Variants in CACNA1A observed in about 807,000 individuals in gnomAD.
CACNA1A encodes calcium voltage-gated channel subunit alpha1 A, also known as voltage-dependent P/Q-type calcium channel subunit alpha-1A.
In CACNA1A, 57 loss-of-function variants were observed where a neutral mutation model predicts 262.4. The observed-to-expected ratio is 0.22, with a 90% CI of 0.18 to 0.27. The LOEUF is 0.27. CACNA1A is among the 10% of genes least tolerant of loss of function. The pLI, the probability that CACNA1A is intolerant of heterozygous loss-of-function variation, is 1.00. For missense variants in CACNA1A, 2,526 were observed against 3,562.8 expected, an observed-to-expected ratio of 0.71 and a Z score of 7.41; for synonymous variants, 1,431 against 1,419.3, an observed-to-expected ratio of 1.01 and a Z score of -0.18.
rs1491294928 is a variant in CACNA1A, at chr19:13,402,833, TAC to T, written c.540-31056_540-31055del. On this transcript the variant is annotated intron_variant, in intron 3 of 46. Coordinates refer to ENST00000360228, the MANE Select transcript of CACNA1A (RefSeq NM_001127222.2). Reference sequence around the variant, plus strand: ...ATATACATATATACACACATATATATACATATATATACACATATATATATACA... The same window carrying T: ...ATATACATATATACACACATATATATATATATATACACATATATATATACA... Among the ~76,000 whole-genome samples the T allele has an allele frequency of 5.9e-5, 8 of 134,542 alleles. No homozygotes were observed. The East Asian group carries it at 1.6e-3, about 27-fold the overall frequency. The allele number at this position is 134,542 out of a possible 152,430, so 88.3% of individuals were successfully genotyped here. A position where few individuals can be genotyped will look rare whatever the true frequency, so the allele number is the denominator to read the frequency against.
chr19:13,237,834 C>T (rs1225471582), intron 31 of CACNA1A, among the ~76,000 whole-genome samples: 1 of 152,224 alleles, frequency 6.6e-6, no homozygotes, highest in Non-Finnish European at 1.5e-5. Flanking sequence ...CAGGTATCCC[C>T]AGCCCCCTCC....
intron 3 of CACNA1A, among the ~76,000 whole-genome samples, chr19:13,372,103 G>T (rs531188960): frequency 1.3e-4 from 20 of 151,970 alleles, no homozygotes; most frequent in Non-Finnish European, 2.5e-4. Context: ...ATAGATTGTG[G>T]GGTGGCCTGG....
Position 13,253,690 on chromosome 19 carries a change from C to T in CACNA1A, c.4756-589G>A, listed in dbSNP as rs558247575. Among the ~76,000 whole-genome samples the T allele has an allele frequency of 2.0e-5, 3 of 151,940 alleles. No individual in the cohort carries two copies. In the East Asian group the frequency reaches 5.8e-4, roughly 30 times the overall value. On this transcript the variant is annotated intron_variant, in intron 29 of 46. Coordinates refer to ENST00000360228, the MANE Select transcript of CACNA1A (RefSeq NM_001127222.2). ...TTGATCTCCTAACCTTGTGATCGCC[C>T]TCCTCGGCCTCCCAAAGTGCTGGGA...
At chr19:13,492,142 C>G (rs1489364581) in intron 1 of CACNA1A, among the ~76,000 whole-genome samples, 2 of 152,154 alleles carry the variant, frequency 1.3e-5, no homozygotes, top group East Asian at 3.9e-4. Context: ...CCAGGCTCCA[C>G]AGCCTCCCTC....
At chr19:13,265,721 C>T (rs190489457) in intron 24 of CACNA1A, among the ~76,000 whole-genome samples, 13 of 152,208 alleles carry the variant, frequency 8.5e-5, no homozygotes, top group East Asian at 5.8e-4. Context: ...TCTGCTTTTG[C>T]GAGAAAGGAA....
chr19:13,424,389 C>CA (rs1179343389), intron 3 of CACNA1A, among the ~76,000 whole-genome samples: 1 of 152,030 alleles, frequency 6.6e-6, no homozygotes. Flanking sequence ...AACAAACAAA[C>CA]AACAACAGTC....
intron 3 of CACNA1A, among the ~76,000 whole-genome samples, chr19:13,438,588 A>G (rs2060654858): frequency 1.3e-5 from 2 of 152,230 alleles, no homozygotes; most frequent in Non-Finnish European, 2.9e-5. Context: ...GCTAACAGCC[A>G]AACAGAAGAG....
At chr19:13,255,771 C>CCCTCCTTTCCTTCCCTT (rs2056544926) in intron 28 of CACNA1A, among the ~76,000 whole-genome samples, 1 of 116,834 alleles carries the variant, frequency 8.6e-6, no homozygotes, top group African/African-American at 3.3e-5. Flanking sequence ...CTCCTTCCCT[C>CCCTCCTTTCCTTCCCTT]CCTCCTTTCC....
At chr19:13,305,252 TG>T (rs2057876738) in intron 15 of CACNA1A, among the ~76,000 whole-genome samples, 1 of 152,182 alleles carries the variant, frequency 6.6e-6, no homozygotes. Flanking sequence ...CACCAACGGC[TG>T]CTCCTTTTAA....
intron 3 of CACNA1A, among the ~76,000 whole-genome samples, chr19:13,414,360 A>C (rs2060185080): frequency 6.6e-6 from 1 of 152,190 alleles, no homozygotes; most frequent in Non-Finnish European, 1.5e-5. Flanking sequence ...TGATTGCGCC[A>C]CTGCACTCCA....
intron 6 of CACNA1A, among the ~76,000 whole-genome samples, chr19:13,354,869 C>CTTTTTTTT (rs56350383): frequency 5.2e-5 from 6 of 115,102 alleles, no homozygotes; most frequent in Admixed American, 9.3e-5. Context: ...TTTTCTTTTT[C>CTTTTTTTT]TTTTTTTTTT....
intron 20 of CACNA1A, 23 bp downstream of exon 20, chr19:13,286,480 G>A: frequency 8.4e-7 from 1 of 1,192,158 alleles, no homozygotes; most frequent in Non-Finnish European, 1.2e-6. Flanking sequence ...CCTGCCCAGT[G>A]ATGTGAGAGC....
chr19:13,271,839 C>T (rs2057028515), intron 24 of CACNA1A: 1 of 151,140 alleles, frequency 6.6e-6, no homozygotes, highest in Non-Finnish European at 1.5e-5. Flanking sequence ...TCTTGGCTCA[C>T]TGCAACCTCC....
At chr19:13,464,421 T>G (rs1318991283) in intron 1 of CACNA1A, among the ~76,000 whole-genome samples, 1 of 151,296 alleles carries the variant, frequency 6.6e-6, no homozygotes, top group African/African-American at 2.4e-5. Context: ...AATACATACA[T>G]TTTTTTAAAA....
At chr19:13,229,894 C>A (rs1159464062) in intron 36 of CACNA1A, 188 bp downstream of exon 36, 1 of 612,156 alleles carries the variant, frequency 1.6e-6, no homozygotes, top group African/African-American at 1.8e-5. Context: ...AGGGTTGGCA[C>A]CCTACGTGTT....
chr19:13,485,828 T>A (rs1013099490), intron 1 of CACNA1A, among the ~76,000 whole-genome samples: 2 of 152,116 alleles, frequency 1.3e-5, no homozygotes, highest in Non-Finnish European at 2.9e-5. Context: ...AAGGTGAAAA[T>A]GTACAAATCT....
chr19:13,240,414 CTGTGTT>C (rs2056036693), intron 31 of CACNA1A, among the ~76,000 whole-genome samples: 1 of 143,012 alleles, frequency 7.0e-6, no homozygotes. Context: ...TGTGCAGTGA[CTGTGTT>C]TGCATAGTGA....
intron 10 of CACNA1A, among the ~76,000 whole-genome samples, chr19:13,328,759 AT>A (rs2058413455): frequency 2.0e-5 from 3 of 152,158 alleles, no homozygotes; most frequent in African/African-American, 7.2e-5. Context: ...CCTACGAGAT[AT>A]GTGATCGCAA....
intron 10 of CACNA1A, among the ~76,000 whole-genome samples, chr19:13,328,257 T>C (rs1421438472): frequency 1.3e-5 from 2 of 152,194 alleles, no homozygotes; most frequent in African/African-American, 4.8e-5. Flanking sequence ...ACAGACATAA[T>C]TGATCAAATA....
Sources: gnomAD v4.1 joint callset for allele counts (sites outside exome capture counted in the v4.1 genomes callset) on GRCh38, gnomAD v4.1.1 for gene constraint, MANE v1.5 for transcripts, NCBI Gene and HGNC (gene_info 2026-07-23, HGNC 2026-07-21) for gene names.